AK5: variants seen among roughly 807,000 people sequenced by gnomAD.
AK5 encodes adenylate kinase 5.
Under a neutral mutation model 69.5 loss-of-function variants are expected in AK5, and 27 were observed. That is an observed-to-expected ratio of 0.39 (90% CI 0.29 to 0.54). The LOEUF (loss-of-function observed/expected upper bound fraction) is 0.54. AK5 is among the 20% of genes least tolerant of loss of function. The pLI is 0.71. For missense variants in AK5, 531 were observed against 700.4 expected (o/e 0.76, Z 2.73); for synonymous variants, 260 against 244.4 (o/e 1.06, Z -0.60).
intron 6 of AK5, among the ~76,000 whole-genome samples, chr1:77,371,857 A>G (rs1647127883): frequency 6.6e-6 from 1 of 152,222 alleles, no homozygotes; most frequent in African/African-American, 2.4e-5. Context: ...CACTCCTTGG[A>G]AAGATCCATC....
At chr1:77,355,533 T>C (rs1018341364) in intron 6 of AK5, among the ~76,000 whole-genome samples, 8 of 152,186 alleles carry the variant, frequency 5.3e-5, no homozygotes, top group African/African-American at 1.9e-4. Flanking sequence ...GCAGTCCTGA[T>C]CAACCTCATC....
At chr1:77,386,933 G>GA (rs1648074863) in intron 6 of AK5, among the ~76,000 whole-genome samples, 1 of 151,908 alleles carries the variant, frequency 6.6e-6, no homozygotes, top group East Asian at 1.9e-4. Context: ...ATGTAAGTGA[G>GA]AACATGCAAT....
At chr1:77,479,253 G>A (rs1323978186) in intron 8 of AK5, among the ~76,000 whole-genome samples, 1 of 140,710 alleles carries the variant, frequency 7.1e-6, no homozygotes, top group Non-Finnish European at 1.5e-5. Flanking sequence ...TGCCCAGGCT[G>A]GAGTGCAGTG....
At chr1:77,367,689 ATACGT>A (rs1223818584) in intron 6 of AK5, among the ~76,000 whole-genome samples, 1 of 68,248 alleles carries the variant, frequency 1.5e-5, no homozygotes. Flanking sequence ...TATGTTATAT[ATACGT>A]TATATGTTAT....
intron 5 of AK5, among the ~76,000 whole-genome samples, chr1:77,334,659 T>G (rs1391253715): frequency 1.3e-5 from 2 of 152,218 alleles, no homozygotes; most frequent in African/African-American, 2.4e-5. Context: ...TTCTGACCTG[T>G]CCTTTTTGTT....
chr1:77,423,094 A>ACCTG (rs1241587461), intron 8 of AK5, among the ~76,000 whole-genome samples: 1 of 151,774 alleles, frequency 6.6e-6, no homozygotes, highest in Non-Finnish European at 1.5e-5. Context: ...GGTGGTGGGC[A>ACCTG]CCTGTAGTCC....
chr1:77,439,254 T>C (rs564481291), intron 8 of AK5, among the ~76,000 whole-genome samples: 29 of 152,314 alleles, frequency 1.9e-4, no homozygotes, highest in Non-Finnish European at 4.1e-4. Context: ...GAAGCGAACA[T>C]TTTCTAAAGG....
intron 13 of AK5, chr1:77,540,417 C>G (rs530928192): frequency 5.3e-5 from 8 of 152,236 alleles, no homozygotes; most frequent in African/African-American, 1.9e-4. Context: ...AGGCAGCGTT[C>G]GCCAGTCATG....
intron 8 of AK5, among the ~76,000 whole-genome samples, chr1:77,453,430 T>C (rs1428807310): frequency 6.6e-6 from 1 of 152,252 alleles, no homozygotes; most frequent in East Asian, 1.9e-4. Context: ...TTGTTCAATC[T>C]ATGCTGATAA....
intron 12 of AK5, 112 bp from the exon 13 acceptor site, chr1:77,535,735 A>G: frequency 2.2e-6 from 2 of 918,482 alleles, no homozygotes; most frequent in Non-Finnish European, 3.2e-6. Flanking sequence ...TAATGCTGGG[A>G]CCTTGAAGGG....
chr1:77,525,840 G>A (rs140869503), intron 12 of AK5, among the ~76,000 whole-genome samples: 9 of 152,196 alleles, frequency 5.9e-5, no homozygotes, highest in African/African-American at 2.2e-4. Context: ...ACATTCTTTT[G>A]ATTACTGTAG....
intron 6 of AK5, among the ~76,000 whole-genome samples, chr1:77,388,841 G>A (rs905084800): frequency 2.6e-5 from 4 of 152,062 alleles, no homozygotes; most frequent in Admixed American, 6.6e-5. Context: ...CTCTTTTGAC[G>A]TGGTGACTGG....
intron 5 of AK5, among the ~76,000 whole-genome samples, chr1:77,324,785 G>T (rs755306655): frequency 6.6e-6 from 1 of 151,998 alleles, no homozygotes; most frequent in Non-Finnish European, 1.5e-5. Context: ...GTTGAACAGA[G>T]ACTGTTCCTG....
chr1:77,349,613 A>G (rs1049445504), intron 6 of AK5: 1 of 152,242 alleles, frequency 6.6e-6, no homozygotes, highest in African/African-American at 2.4e-5. Context: ...AAATGGGAAA[A>G]TTAATTATAT....
chr1:77,282,814 G>A (rs1214409555), intron 1 of AK5: 4 of 991,538 alleles, frequency 4.0e-6, no homozygotes, highest in Non-Finnish European at 4.8e-6. Context: ...GAACCCCTGG[G>A]GGAAAGAGGA....
chr1:77,532,623 T>G (rs542380671), intron 12 of AK5, among the ~76,000 whole-genome samples: 1 of 152,338 alleles, frequency 6.6e-6, no homozygotes, highest in East Asian at 1.9e-4. Context: ...AGAGGGCTTA[T>G]GGGATGGCTG....
At chr1:77,402,360 A>T (rs1009020397) in intron 6 of AK5, among the ~76,000 whole-genome samples, 1 of 151,906 alleles carries the variant, frequency 6.6e-6, no homozygotes, top group African/African-American at 2.4e-5. Context: ...TTTGTTACAT[A>T]TGTATACATG....
intron 7 of AK5, among the ~76,000 whole-genome samples, chr1:77,416,531 G>C (rs1421746649): frequency 6.6e-6 from 1 of 152,154 alleles, no homozygotes; most frequent in Non-Finnish European, 1.5e-5. Context: ...TGGCATTACT[G>C]CTTAGAACTT....
At chr1:77,436,095 C>A (rs541738639) in intron 8 of AK5, among the ~76,000 whole-genome samples, 1 of 152,248 alleles carries the variant, frequency 6.6e-6, no homozygotes, top group East Asian at 1.9e-4. Flanking sequence ...TTCTAACATT[C>A]CATGCCAAAA....
Sources: gnomAD v4.1 joint callset for allele counts (sites outside exome capture counted in the v4.1 genomes callset) on GRCh38, gnomAD v4.1.1 for gene constraint, MANE v1.5 for transcripts, NCBI Gene and HGNC (gene_info 2026-07-23, HGNC 2026-07-21) for gene names.